Variants in RFX2 observed in about 807,000 individuals in gnomAD.
RFX2 encodes DNA-binding protein RFX2.
In RFX2, 20 loss-of-function variants were observed where a neutral mutation model predicts 87.8. The ratio of observed to expected loss-of-function variants is 0.23; its 90% CI spans 0.16 to 0.33. The LOEUF is 0.33. Ranked by LOEUF, RFX2 falls within the 10% of genes least tolerant of loss-of-function variation. The pLI is 1.00. For synonymous variants in RFX2, 397 were observed against 431.3 expected, an observed-to-expected ratio of 0.92 and a Z score of 0.98; for missense variants, 767 against 1,012.3, an observed-to-expected ratio of 0.76 and a Z score of 3.29.
At chr19:6,092,186 G>C (rs2087945294) in intron 1 of RFX2, among the ~76,000 whole-genome samples, 1 of 152,218 alleles carries the variant, frequency 6.6e-6, no homozygotes, top group Non-Finnish European at 1.5e-5. Flanking sequence ...TTTACGTAGA[G>C]TTAAAGAGAA....
intron 1 of RFX2, among the ~76,000 whole-genome samples, chr19:6,108,705 G>C (rs1023532813): frequency 1.3e-5 from 2 of 152,104 alleles, no homozygotes; most frequent in African/African-American, 2.4e-5. Flanking sequence ...AATGAAGCCT[G>C]GGGGGGCGGG....
intron 5 of RFX2, among the ~76,000 whole-genome samples, chr19:6,029,860 G>A (rs1236100519): frequency 6.6e-6 from 1 of 152,186 alleles, no homozygotes; most frequent in Non-Finnish European, 1.5e-5. Context: ...CACTAGGGGA[G>A]GTTCAACAGC....
At chr19:6,079,953 G>C (rs922910150) in intron 1 of RFX2, among the ~76,000 whole-genome samples, 1 of 148,788 alleles carries the variant, frequency 6.7e-6, no homozygotes, top group South Asian at 2.1e-4. Flanking sequence ...AGGCAAACAC[G>C]ACTGTATGTA....
intron 4 of RFX2, among the ~76,000 whole-genome samples, chr19:6,041,707 G>C (rs1347480707): frequency 1.3e-5 from 2 of 150,236 alleles, no homozygotes; most frequent in Non-Finnish European, 3.0e-5. Context: ...TAATCCCTCA[G>C]CTCCCACCCC....
In RFX2 at chr19:6,017,295, G is replaced by A. The variant is rs544784606; in HGVS notation, c.598-1024C>T. 6.6e-6 allele frequency among the ~76,000 whole-genome samples: 1 copy of A among 152,286 alleles called. No homozygotes were observed. The highest frequency in any genetic ancestry group is 2.1e-4 in the South Asian group (1 of 4,826). On this transcript the variant is annotated intron_variant, in intron 6 of 17. Transcript: ENST00000303657. The surrounding 1 kb of genome is among the most constrained non-coding windows in gnomAD (Gnocchi z 4.1). The stretch of plus-strand genomic sequence containing the variant: ...AGTCCCGAGCCAAGGACTATGCCTC[G>A]AGAGGTGAACATCCAGTTAGAAGGG...
rs572294462 is a variant in RFX2, at chr19:6,016,794, G to C, written c.598-523C>G. Among the ~76,000 whole-genome samples, 347 of 152,296 alleles carry C rather than the reference G, an allele frequency of 2.3e-3. 2 individuals carry two copies. Among genetic ancestry groups the C allele is most frequent in the Non-Finnish European group, 4.2e-3 (285 of 68,042 alleles). ...TCTTTCATGTTTAGCCTGGTTTTCAGGTTCCTGGACTTAATTTGTAAACAT... is the reference window on the plus strand; with the variant it reads ...TCTTTCATGTTTAGCCTGGTTTTCACGTTCCTGGACTTAATTTGTAAACAT... On this transcript the variant is annotated intron_variant, in intron 6 of 17. Coordinates refer to ENST00000303657, the MANE Select transcript of RFX2 (RefSeq NM_000635.4). The surrounding 1 kb of genome is among the most constrained non-coding windows in gnomAD (Gnocchi z 5.4).
At chr19:6,098,594 G>A (rs1232981661) in intron 1 of RFX2, among the ~76,000 whole-genome samples, 1 of 152,060 alleles carries the variant, frequency 6.6e-6, no homozygotes, top group African/African-American at 2.4e-5. Flanking sequence ...TTCGTTAAAC[G>A]TGAGAGGTCA....
At chr19:6,073,340 C>G in intron 1 of RFX2, 1 of 1,369,524 alleles carries the variant, frequency 7.3e-7, no homozygotes, top group Non-Finnish European at 1.0e-6. Flanking sequence ...GCACATGCTG[C>G]CCAGTGGCTT....
At chr19:6,096,938 C>G (rs1210470935) in intron 1 of RFX2, among the ~76,000 whole-genome samples, 1 of 152,112 alleles carries the variant, frequency 6.6e-6, no homozygotes, top group East Asian at 1.9e-4. Context: ...AACAAGAGGA[C>G]CAGCACCATA....
rs972602108 is a variant in RFX2, at chr19:6,047,912, C to T, written c.-8-408G>A. On this transcript the variant is annotated intron_variant, in intron 1 of 17. Coordinates refer to ENST00000303657, the MANE Select transcript of RFX2 (RefSeq NM_000635.4). The surrounding 1 kb of genome is among the most constrained non-coding windows in gnomAD (Gnocchi z 4.2). ...ATTTGGGAAGCTACTGCACCCCAAA[C>T]GACAACGGGAGAAACTCTAAGGCTG... Among the ~76,000 whole-genome samples, 1 of 152,224 alleles carries T rather than the reference C, an allele frequency of 6.6e-6. No homozygotes were observed. Among genetic ancestry groups the T allele is most frequent in the Admixed American group, 6.5e-5 (1 of 15,282 alleles).
rs2086651914 is a variant in RFX2, at chr19:6,010,922, G to C, written c.900-671C>G. ...ATCTGAGGTCGGGAGTTCGAGACCA[G>C]CCTGACCAACATGGAGTAACCCCGT... is the stretch of plus-strand genomic sequence containing the variant. On this transcript the variant is annotated intron_variant, in intron 8 of 17. Transcript: ENST00000303657. This position sits in a 1 kb window ranked among gnomAD's most constrained non-coding sequence, Gnocchi z 5.0. Among the ~76,000 whole-genome samples the C allele has an allele frequency of 6.6e-6, 1 of 152,126 alleles. No homozygotes were observed. Among genetic ancestry groups the C allele is most frequent in the South Asian group, 2.1e-4 (1 of 4,828 alleles).
chr19:6,000,294 C>T (rs929981627), intron 15 of RFX2, among the ~76,000 whole-genome samples: 10 of 152,198 alleles, frequency 6.6e-5, no homozygotes, highest in African/African-American at 9.6e-5. Context: ...CAGGCAAACT[C>T]GTTTTCACGC....
At chr19:6,000,461 T>C (rs1485849673) in intron 15 of RFX2, among the ~76,000 whole-genome samples, 1 of 152,244 alleles carries the variant, frequency 6.6e-6, no homozygotes, top group East Asian at 1.9e-4. Context: ...GGTTTGGCTC[T>C]GTGTCCCCAC....
intron 16 of RFX2, among the ~76,000 whole-genome samples, chr19:5,996,385 G>A (rs1436746636): frequency 1.6e-5 from 1 of 64,430 alleles, no homozygotes; most frequent in Non-Finnish European, 3.2e-5. Context: ...AACTCAGCCA[G>A]GAGAGGAACC....
chr19:6,025,900 C>T (rs1253281618), intron 6 of RFX2, among the ~76,000 whole-genome samples: 3 of 151,552 alleles, frequency 2.0e-5, no homozygotes, highest in Non-Finnish European at 4.4e-5. Context: ...ATTCTCCTGC[C>T]TCAGCCTCCC....
At chr19:6,028,095 C>T (rs1486268897) in intron 5 of RFX2, among the ~76,000 whole-genome samples, 2 of 151,884 alleles carry the variant, frequency 1.3e-5, no homozygotes, top group South Asian at 2.1e-4. Context: ...TGTATTATTT[C>T]CCTTATTAGA....
chr19:6,058,676 T>C (rs1238024594), intron 1 of RFX2, among the ~76,000 whole-genome samples: 1 of 152,046 alleles, frequency 6.6e-6, no homozygotes, highest in Non-Finnish European at 1.5e-5. Context: ...AAATCAAGTA[T>C]CTTCAGAATT....
chr19:6,104,046 A>C (rs58220924), intron 1 of RFX2, among the ~76,000 whole-genome samples: 15,002 of 152,180 alleles, frequency 0.099, 2,473 homozygotes, highest in African/African-American at 0.34. Context: ...GATTTCACAG[A>C]TGTCAAACCT....
In RFX2 at chr19:6,004,811, A is replaced by C. The variant is rs1435792725; in HGVS notation, c.1403-513T>G. On this transcript the variant is annotated intron_variant, in intron 12 of 17. Transcript: ENST00000303657. The surrounding 1 kb of genome is among the most constrained non-coding windows in gnomAD (Gnocchi z 4.8). Reference sequence around the variant, plus strand: ...AATGATCAGACTGTTAAAAAAAAAAAAAACCAAAAAACAAAAACAGAAAAA... The same window carrying C: ...AATGATCAGACTGTTAAAAAAAAAACAAACCAAAAAACAAAAACAGAAAAA... Among the ~76,000 whole-genome samples the C allele has an allele frequency of 3.9e-5, 6 of 152,074 alleles. No individual in the cohort carries two copies. Among genetic ancestry groups the C allele is most frequent in the Admixed American group, 2.0e-4 (3 of 15,246 alleles).
Sources: gnomAD v4.1 joint callset for allele counts (sites outside exome capture counted in the v4.1 genomes callset) on GRCh38, gnomAD v4.1.1 for gene constraint, Gnocchi (gnomAD v3.1) non-coding constraint, MANE v1.5 for transcripts, NCBI Gene and HGNC (gene_info 2026-07-23, HGNC 2026-07-21) for gene names.